ABCA9: variants seen among roughly 807,000 people sequenced by gnomAD.
ABCA9 encodes the protein ATP binding cassette subfamily A member 9.
Under a neutral mutation model 205.3 loss-of-function variants are expected in ABCA9, and 183 were observed. The ratio of observed to expected loss-of-function variants is 0.89; its 90% confidence interval spans 0.79 to 1.01. ABCA9 has a LOEUF of 1.01. Among genes scored for constraint, ABCA9 ranks in the 50% least tolerant of loss-of-function variants. The probability of loss-of-function intolerance (pLI) is 0.00; values close to 1 mark genes in which losing one functional copy is unlikely to be tolerated. For synonymous variants in ABCA9, 651 were observed against 683.3 expected, an observed-to-expected ratio of 0.95 and a Z score of 0.74; for missense variants, 1,805 against 1,912.4, an observed-to-expected ratio of 0.94 and a Z score of 1.05.
At chr17:69,038,999 C>G (rs1297466806) in intron 6 of ABCA9, among the ~76,000 whole-genome samples, 1 of 152,090 alleles carries the variant, frequency 6.6e-6, no homozygotes, top group Non-Finnish European at 1.5e-5. Flanking sequence ...AGGAATACAA[C>G]TTACAAGGGA....
intron 17 of ABCA9, among the ~76,000 whole-genome samples, chr17:69,022,938 T>A (rs1461563664): frequency 6.6e-6 from 1 of 152,204 alleles, no homozygotes; most frequent in Non-Finnish European, 1.5e-5. Context: ...TTTCAGTCTT[T>A]CTCCAAATTT....
Position 69,016,280 on chromosome 17 carries a change from A to G in ABCA9, c.3012T>C (p.Ile1004=). 6.3e-7 allele frequency: 1 copy of G among 1,594,566 alleles called. No homozygotes were observed. The stretch of plus-strand genomic sequence containing the variant: ...CAAAAAATGTGCTTCTGTCAGTCTG[A>G]ATGTGTTCTGACGAATTAAAAATTC... ...LLGIFNSSEH[I]QTDRSTFFEE... is the part of the protein sequence containing the mutation. Residue 1004 remains isoleucine (I), a synonymous_variant, in exon 22 of 39, where the codon ATT becomes ATC. Coordinates refer to ENST00000340001, the MANE Select transcript of ABCA9 (RefSeq NM_080283.4).
intron 25 of ABCA9, among the ~76,000 whole-genome samples, chr17:69,004,056 G>A (rs2070002684): frequency 6.6e-6 from 1 of 152,008 alleles, no homozygotes; most frequent in African/African-American, 2.4e-5. Context: ...CTTTGCCTTT[G>A]GTTTGCATGT....
chr17:68,998,833 T>C (rs1180681983), intron 25 of ABCA9, among the ~76,000 whole-genome samples: 1 of 132,504 alleles, frequency 7.5e-6, no homozygotes, highest in Non-Finnish European at 1.5e-5. Context: ...CTAAAATTTC[T>C]TTTTTTTTTG....
intron 3 of ABCA9, among the ~76,000 whole-genome samples, chr17:69,046,358 A>C (rs1365453242): frequency 2.0e-5 from 3 of 152,178 alleles, no homozygotes; most frequent in African/African-American, 7.2e-5. Flanking sequence ...ACAATCCAGC[A>C]GCTAGATCCA....
chr17:68,984,920 C>G lies in ABCA9; in HGVS notation c.4344G>C (p.Ser1448=), dbSNP rs750094359. 6.2e-7 allele frequency: 1 copy of G among 1,614,136 alleles called. No homozygotes were observed. The highest frequency in any genetic ancestry group is 8.5e-7 in the Non-Finnish European group (1 of 1,180,042). ...GCTGCCCCTCGGGGTCCATCCCGGT[C>G]GACGGCTCATCCAGAAGCACCACTG... ...NPSVVLLDEP[S]TGMDPEGQQQ... is the part of the protein sequence containing the mutation. The change falls in exon 34 of 39, where the codon TCG becomes TCC. Residue 1448 remains serine, a synonymous_variant. Coordinates refer to ENST00000340001, the MANE Select transcript of ABCA9 (RefSeq NM_080283.4).
At position 68,993,716 on chromosome 17, in the gene ABCA9, C is replaced by T. The variant is rs1249337911; in HGVS notation, c.3556-632G>A. Among the ~76,000 whole-genome samples, 4 of 152,182 alleles carry T rather than the reference C, an allele frequency of 2.6e-5. No homozygotes were observed. The East Asian group carries it at 7.7e-4, about 29-fold the overall frequency. On this transcript the variant is annotated intron_variant, in intron 26 of 38. Coordinates refer to ENST00000340001, the MANE Select transcript of ABCA9 (RefSeq NM_080283.4). ...GATTTCTAACTATCACAGCCATCCACCATCTAGAAAAGATGACTTTTCCAC... is the reference window on the plus strand; with the variant it reads ...GATTTCTAACTATCACAGCCATCCATCATCTAGAAAAGATGACTTTTCCAC...
chr17:68,977,723 A>T (rs2143912629), intron 37 of ABCA9, among the ~76,000 whole-genome samples: 1 of 152,346 alleles, frequency 6.6e-6, no homozygotes, highest in Non-Finnish European at 1.5e-5. Context: ...CCATTCAATA[A>T]GTGTATTGCA....
rs765635892 is a variant in ABCA9 at position 68,986,148 on chromosome 17, C to T, written c.4208+16G>A. The T allele has an allele frequency of 1.3e-6, 2 of 1,589,044 alleles. No individual in the cohort carries two copies. Among genetic ancestry groups the T allele is most frequent in the Non-Finnish European group, 1.7e-6 (2 of 1,166,910 alleles). Reference sequence around the variant, plus strand: ...ATCCCCTCCAGCAAAGGGGAGTGCCCCCCAGTCCCAGGTACCGTGTGATGG... The same window carrying T: ...ATCCCCTCCAGCAAAGGGGAGTGCCTCCCAGTCCCAGGTACCGTGTGATGG... On this transcript the variant is annotated intron_variant, in intron 32 of 38. Transcript: ENST00000340001.
At chr17:68,977,651 T>C (rs934943347) in intron 37 of ABCA9, among the ~76,000 whole-genome samples, 1 of 152,188 alleles carries the variant, frequency 6.6e-6, no homozygotes, top group African/African-American at 2.4e-5. Context: ...AATGAAACTA[T>C]GCAACAAGGT....
rs539807253 is a variant in ABCA9, at chr17:69,014,049, T to C, written c.3040-1966A>G. On this transcript the variant is annotated intron_variant, in intron 22 of 38. Transcript: ENST00000340001. The stretch of plus-strand genomic sequence containing the variant: ...GCTCATTCTTGGGAACATCCTATTC[T>C]TTGTCATCCAGATAATTGGCTAGCC... Among the ~76,000 whole-genome samples, 4 of 152,318 alleles carry C rather than the reference T, an allele frequency of 2.6e-5. No individual in the cohort carries two copies. In the South Asian group the frequency reaches 8.3e-4, roughly 32 times the overall value.
chr17:68,984,310 G>T, intron 34 of ABCA9, 135 bp from the exon 35 acceptor site: 1 of 1,215,388 alleles, frequency 8.2e-7, no homozygotes. Flanking sequence ...GTGTGTGTAG[G>T]GATGACAGGC....
At chr17:68,983,627 A>C in intron 36 of ABCA9, 82 bp downstream of exon 36, 1 of 1,549,100 alleles carries the variant, frequency 6.5e-7, no homozygotes. Context: ...GAACGAGAAG[A>C]TAAAGCTCTT....
At position 68,978,784 on chromosome 17, in the gene ABCA9, T is replaced by C. The variant is rs1406507399; in HGVS notation, c.4721-2594A>G. ...ATAAATTAGGTATTGATGGGACATA[T>C]CTCAAAATAATAAGAGCTATCTATG... is the stretch of plus-strand genomic sequence containing the variant. On this transcript the variant is annotated intron_variant, in intron 37 of 38. Coordinates refer to ENST00000340001, the MANE Select transcript of ABCA9 (RefSeq NM_080283.4). Among the ~76,000 whole-genome samples, 5 of 152,208 alleles carry C rather than the reference T, an allele frequency of 3.3e-5. No homozygotes were observed. In the East Asian group the frequency reaches 9.7e-4, roughly 29 times the overall value.
At chr17:69,035,039 CAAT>C (rs1477754206) in intron 8 of ABCA9, 1 of 371,956 alleles carries the variant, frequency 2.7e-6, no homozygotes, top group Non-Finnish European at 4.7e-6. Flanking sequence ...TGAAACATCT[CAAT>C]AATAAGGGTA....
intron 37 of ABCA9, among the ~76,000 whole-genome samples, chr17:68,978,281 G>C (rs1209076733): frequency 2.6e-5 from 4 of 152,066 alleles, no homozygotes; most frequent in African/African-American, 7.2e-5. Flanking sequence ...CAGAGACTAG[G>C]ATTGCAACCC....
chr17:69,028,735 G>C, intron 11 of ABCA9, 90 bp from the exon 12 acceptor site: 1 of 627,016 alleles, frequency 1.6e-6, no homozygotes, highest in Non-Finnish European at 2.6e-6. Context: ...AGCATGAATA[G>C]ATTGAGCTAG....
rs1166866574 is a variant in ABCA9, at chr17:68,974,965, T to G, written c.*950A>C. On this transcript the variant is annotated 3_prime_UTR_variant, in exon 39 of 39. Coordinates refer to ENST00000340001, the MANE Select transcript of ABCA9 (RefSeq NM_080283.4). The stretch of plus-strand genomic sequence containing the variant: ...CTTTGCTGCACCCATCAACCCATCA[T>G]CTACATCAGGTATTTCTCCTAATGC... The G allele has an allele frequency of 6.6e-6, 1 of 152,206 alleles. No individual in the cohort carries two copies. The highest frequency in any genetic ancestry group is 1.5e-5 in the Non-Finnish European group (1 of 68,044). The allele number at this position is 152,206 out of a possible 1,614,324, so 9.4% of individuals were successfully genotyped here.
intron 8 of ABCA9, chr17:69,034,566 G>A (rs1394527722): frequency 3.9e-5 from 6 of 152,234 alleles, no homozygotes; most frequent in African/African-American, 1.4e-4. Context: ...TGTATGGATG[G>A]ACTGTAATTT....
Sources: allele counts gnomAD v4.1 joint callset (sites outside exome capture counted in the v4.1 genomes callset), GRCh38; gene constraint gnomAD v4.1.1; transcripts MANE v1.5; gene names NCBI Gene and HGNC (gene_info 2026-07-23, HGNC 2026-07-21).